CST11: variants seen among roughly 807,000 people sequenced by gnomAD.
CST11 encodes cystatin-11.
Under a neutral mutation model 14.0 loss-of-function variants are expected in CST11, and 13 were observed. The ratio of observed to expected loss-of-function variants is 0.93; its 90% confidence interval spans 0.60 to 1.47. The LOEUF (loss-of-function observed/expected upper bound fraction) is 1.47. Among genes scored for constraint, CST11 ranks in the 40% most tolerant of loss-of-function variants. The pLI is 0.00. For synonymous variants in CST11, 64 were observed against 57.8 expected (o/e 1.11, Z -0.48); for missense variants, 181 against 160.0 (o/e 1.13, Z -0.71).
chr20:23,450,587 T>C lies in CST11; in HGVS notation c.336A>G (p.Gln112=). 6.2e-7 allele frequency: 1 copy of C among 1,602,694 alleles called. No individual in the cohort carries two copies. The highest frequency in any genetic ancestry group is 8.5e-7 in the Non-Finnish European group (1 of 1,172,102). ...CAAACACTGAGAAGAAGCAGTTGAC[T>C]TGCTAAAACAAAAAACAAAGGCAAT... The part of the protein sequence containing the change: ...CVPQERELHK[Q]VNCFFSVFAV... The change falls in exon 3 of 3, where the codon CAA becomes CAG. Residue 112 remains glutamine (Q), a splice_region_variant and synonymous_variant. Transcript: ENST00000377009.
chr20:23,452,701 C>T lies in CST11; in HGVS notation c.111G>A (p.Val37=). Residue 37 remains valine (V), a synonymous_variant, in exon 1 of 3, where the codon GTG becomes GTA. Coordinates refer to ENST00000377009, the MANE Select transcript of CST11 (RefSeq NM_130794.2). Reference sequence around the variant, plus strand: ...CCTTCGCATAGTTTTCTACTGCCATCACTTCATGGACGCTTAGAAAGGTTT... The same window carrying T: ...CCTTCGCATAGTTTTCTACTGCCATTACTTCATGGACGCTTAGAAAGGTTT... ...RKKTFLSVHE[V]MAVENYAKDS... 1.2e-6 allele frequency: 2 copies of T among 1,614,056 alleles called. No individual in the cohort carries two copies. Among genetic ancestry groups the T allele is most frequent in the South Asian group, 1.1e-5 (1 of 91,074 alleles).
At chr20:23,452,357 C>T (rs186149445) in intron 1 of CST11, among the ~76,000 whole-genome samples, 31 of 152,316 alleles carry the variant, frequency 2.0e-4, no homozygotes, top group Admixed American at 7.2e-4. Flanking sequence ...CAAAAGTGGG[C>T]GGCAGGCAGT....
Position 23,450,441 on chromosome 20 carries a change from A to G in CST11, c.*65T>C. The G allele has an allele frequency of 2.0e-6, 2 of 997,540 alleles. No individual in the cohort carries two copies. The highest frequency in any genetic ancestry group is 3.0e-6 in the Non-Finnish European group (2 of 663,148). 61.8% of individuals were successfully genotyped at this position (997,540 alleles called of 1,614,324 possible). ...TTGACAAACATTTATTGCCTATATT[A>G]AGGATTATTGCCCATTGCAGGATTC... is the stretch of plus-strand genomic sequence containing the variant. On this transcript the variant is annotated 3_prime_UTR_variant, in exon 3 of 3. Coordinates refer to ENST00000377009, the MANE Select transcript of CST11 (RefSeq NM_130794.2).
chr20:23,450,729 G>A, intron 2 of CST11, 140 bp from the exon 3 acceptor site: 2 of 526,980 alleles, frequency 3.8e-6, no homozygotes, highest in South Asian at 3.2e-5. Flanking sequence ...ACAAACAGAA[G>A]GACATTTTCT....
intron 1 of CST11, 71 bp from the exon 2 acceptor site, chr20:23,451,991 G>T (rs1987105414): frequency 3.4e-6 from 4 of 1,176,338 alleles, no homozygotes; most frequent in Non-Finnish European, 5.1e-6. Context: ...TGTGCCTGGG[G>T]GCTCCGCTAC....
At chr20:23,451,667 C>T in intron 2 of CST11, 149 bp downstream of exon 2, 1 of 562,034 alleles carries the variant, frequency 1.8e-6, no homozygotes, top group South Asian at 2.1e-5. Flanking sequence ...CCTTTGCTTT[C>T]CCTCTCTGAG....
At chr20:23,451,174 C>CCT (rs1987077077) in intron 2 of CST11, among the ~76,000 whole-genome samples, 1 of 152,232 alleles carries the variant, frequency 6.6e-6, no homozygotes, top group Non-Finnish European at 1.5e-5. Context: ...TGCTTCCTCT[C>CCT]CCTCAGTGCA....
intron 1 of CST11, among the ~76,000 whole-genome samples, chr20:23,452,125 T>C (rs1429699886): frequency 6.6e-6 from 1 of 152,222 alleles, no homozygotes; most frequent in Non-Finnish European, 1.5e-5. Context: ...AACATGAACT[T>C]TCCCCCTGGG....
Position 23,452,695 on chromosome 20 carries a change from T to C in CST11, c.117A>G (p.Ala39=), listed in dbSNP as rs989538673. The C allele has an allele frequency of 1.2e-6, 2 of 1,613,924 alleles. No homozygotes were observed. Among genetic ancestry groups the C allele is most frequent in the Non-Finnish European group, 1.7e-6 (2 of 1,179,898 alleles). ...KTFLSVHEVM[A]VENYAKDSLQ... ...AGCTGTCCTTCGCATAGTTTTCTAC[T>C]GCCATCACTTCATGGACGCTTAGAA... The change falls in exon 1 of 3, where the codon GCA becomes GCG. Residue 39 remains alanine (A), a synonymous_variant. Coordinates refer to ENST00000377009, the MANE Select transcript of CST11 (RefSeq NM_130794.2).
chr20:23,452,745 G>A lies in CST11; in HGVS notation c.67C>T (p.Pro23Ser). Reference sequence around the variant, plus strand: ...AAGGTTTTCTTCCTTGCTTGGTAGGGGAGGGCCATCAGAGTCAATAGAATG... The same window carrying A: ...AAGGTTTTCTTCCTTGCTTGGTAGGAGAGGGCCATCAGAGTCAATAGAATG... ...LAILLTLMAL[P>S]YQARKKTFLS... is the part of the protein sequence containing the mutation. The change falls in exon 1 of 3, where the codon CCC becomes TCC. Residue 23 changes from proline to serine, a missense_variant. By Grantham distance (74) the Pro-to-Ser change is moderately conservative. Coordinates refer to ENST00000377009, the MANE Select transcript of CST11 (RefSeq NM_130794.2). The A allele has an allele frequency of 6.2e-7, 1 of 1,614,176 alleles. No individual in the cohort carries two copies. The highest frequency in any genetic ancestry group is 8.5e-7 in the Non-Finnish European group (1 of 1,180,018).
In CST11 at chr20:23,452,166, G is replaced by A. The variant is rs185742906; in HGVS notation, c.229-246C>T. ...CTATCCCTTGGGTAATGCAAGTGAC[G>A]CTAGTGATTCTGGATAGGGGTCTGT... On this transcript the variant is annotated intron_variant, in intron 1 of 2. Coordinates refer to ENST00000377009, the MANE Select transcript of CST11 (RefSeq NM_130794.2). 1.0e-3 allele frequency among the ~76,000 whole-genome samples: 157 copies of A among 152,302 alleles called. 1 individual carries two copies. The highest frequency in any genetic ancestry group is 2.1e-3 in the Non-Finnish European group (146 of 68,032).
Position 23,450,577 on chromosome 20 carries a change from A to C in CST11, c.346T>G (p.Phe116Val). 6.2e-7 allele frequency: 1 copy of C among 1,608,878 alleles called. No homozygotes were observed. Among genetic ancestry groups the C allele is most frequent in the Non-Finnish European group, 8.5e-7 (1 of 1,176,464 alleles). The change falls in exon 3 of 3, where the codon TTC (phenylalanine) becomes GTC (valine). Residue 116 changes from phenylalanine (F) to valine (V), a missense_variant. By Grantham distance (50) the Phe-to-Val change is conservative. Transcript: ENST00000377009. ...CAGGGTACAGCAAACACTGAGAAGA[A>C]GCAGTTGACTTGCTAAAACAAAAAA... The part of the protein sequence containing the change: ...ERELHKQVNC[F>V]FSVFAVPWFE...
In CST11 at chr20:23,451,808, C is replaced by A; in HGVS notation, c.333+8G>T. The stretch of plus-strand genomic sequence containing the variant: ...TTCTGTCTACGTTAAAGTGCTTTTA[C>A]CCAATACCTTGTGAAGCTCCCTTTC... On this transcript the variant is annotated splice_region_variant and intron_variant, in intron 2 of 2. Coordinates refer to ENST00000377009, the MANE Select transcript of CST11 (RefSeq NM_130794.2). 1 of 1,609,166 alleles carries A rather than the reference C, an allele frequency of 6.2e-7. No homozygotes were observed. Among genetic ancestry groups the A allele is most frequent in the Non-Finnish European group, 8.5e-7 (1 of 1,175,802 alleles).
rs562005555 is a variant in CST11 at position 23,452,874 on chromosome 20, A to G, written c.-63T>C. On this transcript the variant is annotated 5_prime_UTR_variant, in exon 1 of 3. Coordinates refer to ENST00000377009, the MANE Select transcript of CST11 (RefSeq NM_130794.2). ...ACTCCTCAGGGACAAGTCGAATCAC[A>G]CTGACCCTACCTGCCCTGGCAGGAT... 7.6e-7 allele frequency: 1 copy of G among 1,314,302 alleles called. No homozygotes were observed. The highest frequency in any genetic ancestry group is 2.0e-5 in the Admixed American group (1 of 50,472). The allele number at this position is 1,314,302 out of a possible 1,614,324, so 81.4% of individuals were successfully genotyped here.
At chr20:23,450,934 A>T (rs1987069785) in intron 2 of CST11, among the ~76,000 whole-genome samples, 1 of 151,420 alleles carries the variant, frequency 6.6e-6, no homozygotes, top group Non-Finnish European at 1.5e-5. Flanking sequence ...CCATTTATTC[A>T]TCCACCCATT....
In CST11 at chr20:23,452,740, G is replaced by A. The variant is rs1215704868; in HGVS notation, c.72C>T (p.Tyr24=). ...TTAGAAAGGTTTTCTTCCTTGCTTG[G>A]TAGGGGAGGGCCATCAGAGTCAATA... ...AILLTLMALP[Y]QARKKTFLSV... is the part of the protein sequence containing the mutation. Residue 24 remains tyrosine, a synonymous_variant, in exon 1 of 3, where the codon TAC becomes TAT. Coordinates refer to ENST00000377009, the MANE Select transcript of CST11 (RefSeq NM_130794.2). 6.2e-7 allele frequency: 1 copy of A among 1,614,052 alleles called. No individual in the cohort carries two copies. The highest frequency in any genetic ancestry group is 8.5e-7 in the Non-Finnish European group (1 of 1,180,024).
Position 23,451,847 on chromosome 20 carries a change from T to C in CST11, c.302A>G (p.Asn101Ser). 6.2e-7 allele frequency: 1 copy of C among 1,614,132 alleles called. No individual in the cohort carries two copies. The highest frequency in any genetic ancestry group is 8.5e-7 in the Non-Finnish European group (1 of 1,179,976). ...WTTCQKPETT[N>S]CVPQERELHK... ...AAGCTCCCTTTCCTGGGGGACACAGTTCGTGGTCTCTGGCTTTTGGCAGGT... is the reference window on the plus strand; with the variant it reads ...AAGCTCCCTTTCCTGGGGGACACAGCTCGTGGTCTCTGGCTTTTGGCAGGT... Residue 101 changes from asparagine (N) to serine (S), a missense_variant, in exon 2 of 3, where the codon AAC (asparagine) becomes AGC (serine). Transcript: ENST00000377009.
rs1348799886 is a variant in CST11, at chr20:23,450,547, CA to C, written c.375del (p.Phe125LeufsTer7). On this transcript the variant is annotated frameshift_variant, in exon 3 of 3. Transcript: ENST00000377009. LOFTEE classifies it high-confidence loss of function. ...CFFSVFAVPW[F>X]EQYKILNKSC... Reference sequence around the variant, plus strand: ...CTTTTGTTCAAAATTTTGTACTGTTCAAACCAGGGTACAGCAAACACTGAGA... The same window carrying C: ...CTTTTGTTCAAAATTTTGTACTGTTCAACCAGGGTACAGCAAACACTGAGA... 4 of 1,612,436 alleles carry C rather than the reference CA, an allele frequency of 2.5e-6. No homozygotes were observed. The highest frequency in any genetic ancestry group is 3.4e-6 in the Non-Finnish European group (4 of 1,178,698).
chr20:23,451,112 TCTTCCATTTATCCCTC>T (rs1459205998), intron 2 of CST11, among the ~76,000 whole-genome samples: 1 of 152,236 alleles, frequency 6.6e-6, no homozygotes, highest in African/African-American at 2.4e-5. Context: ...CTCCATTCAT[TCTTCCATTTATCCCTC>T]CTTCCATCCA....
Sources: gnomAD v4.1 joint callset for allele counts (sites outside exome capture counted in the v4.1 genomes callset) on GRCh38, gnomAD v4.1.1 for gene constraint, MANE v1.5 for transcripts, NCBI Gene and HGNC (gene_info 2026-07-23, HGNC 2026-07-21) for gene names.